The following GRIK4 variants were observed in gnomAD, a reference collection of about 807,000 sequenced individuals.
GRIK4 encodes the protein glutamate ionotropic receptor kainate type subunit 4.
A neutral mutation model predicts 104.9 loss-of-function variants in GRIK4; 40 were observed. The ratio of observed to expected loss-of-function variants is 0.38; its 90% CI spans 0.30 to 0.50. The LOEUF is 0.50. Among genes scored for constraint, GRIK4 ranks in the 20% least tolerant of loss-of-function variants. GRIK4 has a pLI of 0.93. For synonymous variants in GRIK4, 485 were observed against 524.9 expected (o/e 0.92, Z 1.04); for missense variants, 1,047 against 1,308.1 (o/e 0.80, Z 3.08).
intron 3 of GRIK4, among the ~76,000 whole-genome samples, chr11:120,719,630 C>T (rs980451284): frequency 1.4e-4 from 21 of 152,174 alleles, no homozygotes; most frequent in Non-Finnish European, 2.6e-4. Context: ...CCTGACCCTT[C>T]CCCCTTTCCT....
At chr11:120,844,552 G>A (rs970627202) in intron 8 of GRIK4, among the ~76,000 whole-genome samples, 1 of 152,136 alleles carries the variant, frequency 6.6e-6, no homozygotes, top group Non-Finnish European at 1.5e-5. Context: ...AGAAGGGCTG[G>A]CCAAGTAAGA....
chr11:120,695,627 C>T (rs1392741002), intron 3 of GRIK4, among the ~76,000 whole-genome samples: 6 of 150,454 alleles, frequency 4.0e-5, no homozygotes, highest in Non-Finnish European at 8.9e-5. Context: ...CCTGGACGGC[C>T]GCCACGGGTG....
chr11:120,933,100 G>T (rs1943515583), intron 13 of GRIK4, among the ~76,000 whole-genome samples: 1 of 152,200 alleles, frequency 6.6e-6, no homozygotes, highest in Non-Finnish European at 1.5e-5. Context: ...CATGAGGTCT[G>T]GGAGGCCTGG....
intron 13 of GRIK4, among the ~76,000 whole-genome samples, chr11:120,913,283 T>C (rs981077523): frequency 7.6e-4 from 115 of 152,178 alleles, no homozygotes; most frequent in South Asian, 1.0e-3. Context: ...TTCTGAGATG[T>C]CCTTCCAGAC....
chr11:120,842,712 G>A (rs866231413), intron 8 of GRIK4, among the ~76,000 whole-genome samples: 46 of 152,156 alleles, frequency 3.0e-4, no homozygotes, highest in Non-Finnish European at 1.8e-4. Flanking sequence ...GTGCTTATTC[G>A]GCTCTTTACT....
intron 19 of GRIK4, among the ~76,000 whole-genome samples, chr11:120,973,844 T>C (rs1944515954): frequency 6.6e-6 from 1 of 152,198 alleles, no homozygotes; most frequent in Non-Finnish European, 1.5e-5. Flanking sequence ...TACTATGGTA[T>C]ATAATTCGTT....
At chr11:120,617,738 G>A (rs1038379373) in intron 1 of GRIK4, among the ~76,000 whole-genome samples, 6 of 152,082 alleles carry the variant, frequency 3.9e-5, no homozygotes, top group African/African-American at 1.2e-4. Flanking sequence ...TGTGTGAAGT[G>A]CTCACTCCTC....
chr11:120,761,602 A>G (rs1364153730), intron 3 of GRIK4, among the ~76,000 whole-genome samples: 1 of 152,092 alleles, frequency 6.6e-6, no homozygotes, highest in African/African-American at 2.4e-5. Flanking sequence ...TAAGTGTTTA[A>G]TTCATCTTGA....
intron 8 of GRIK4, among the ~76,000 whole-genome samples, chr11:120,848,795 G>A (rs1953907812): frequency 6.6e-6 from 1 of 152,152 alleles, no homozygotes. Flanking sequence ...GCTAGGGTAG[G>A]GGAGGAGGAG....
intron 4 of GRIK4, among the ~76,000 whole-genome samples, chr11:120,812,123 T>G (rs1952841951): frequency 2.0e-5 from 3 of 152,136 alleles, no homozygotes; most frequent in African/African-American, 7.2e-5. Flanking sequence ...ACCATGGCAG[T>G]AGACGTAGGA....
intron 16 of GRIK4, among the ~76,000 whole-genome samples, chr11:120,960,157 C>T (rs931058079): frequency 6.6e-6 from 1 of 152,190 alleles, no homozygotes; most frequent in Non-Finnish European, 1.5e-5. Context: ...AGTGAAACCC[C>T]GTCTCTACTA....
chr11:120,690,744 C>A (rs548311504), intron 3 of GRIK4, among the ~76,000 whole-genome samples: 1 of 152,360 alleles, frequency 6.6e-6, no homozygotes, highest in East Asian at 1.9e-4. Context: ...GTTCCTTACC[C>A]TCCTCACCAG....
chr11:120,834,879 C>T (rs533200055), intron 7 of GRIK4, among the ~76,000 whole-genome samples: 27 of 152,378 alleles, frequency 1.8e-4, no homozygotes, highest in African/African-American at 5.5e-4. Flanking sequence ...TGACCCCGCC[C>T]GGACCCTCTG....
In GRIK4 at chr11:120,568,085, G is replaced by A. The variant is rs565633295; in HGVS notation, c.-159+56198G>A. On this transcript the variant is annotated intron_variant, in intron 1 of 20. Transcript: ENST00000527524. ...CCCAGCTACTTGGGAGGTTGAGGCGGGAGGATTGCTTGAGCCCTGGAGTTT... is the reference window on the plus strand; with the variant it reads ...CCCAGCTACTTGGGAGGTTGAGGCGAGAGGATTGCTTGAGCCCTGGAGTTT... Among the ~76,000 whole-genome samples, 82 of 152,288 alleles carry A rather than the reference G, an allele frequency of 5.4e-4. 1 individual carries two copies. The highest frequency in any genetic ancestry group is 3.4e-3 in the Middle Eastern group (1 of 294).
At chr11:120,557,923 C>T (rs1435932491) in intron 1 of GRIK4, among the ~76,000 whole-genome samples, 1 of 145,630 alleles carries the variant, frequency 6.9e-6, no homozygotes, top group Non-Finnish European at 1.5e-5. Flanking sequence ...GAGGCTGAGG[C>T]AGGAGAATGG....
chr11:120,875,242 A>G lies in GRIK4; in HGVS notation c.1163A>G (p.Gln388Arg). Reference sequence around the variant, plus strand: ...CAGTTCACAAGGAATGGTTTTCGGCAGGTAAGCCTAGCTGCACCGTGGTGA... The same window carrying G: ...CAGTTCACAAGGAATGGTTTTCGGCGGGTAAGCCTAGCTGCACCGTGGTGA... The part of the protein sequence containing the change: ...ILQFTRNGFR[Q>R]IGQWHVAEGL... Residue 388 changes from glutamine (Q) to arginine (R), a missense_variant and splice_region_variant, in exon 11 of 21, where the codon CAG (glutamine) becomes CGG (arginine). Physicochemically the swap from Gln to Arg is conservative, Grantham distance 43 (BLOSUM62 1). Coordinates refer to ENST00000527524, the MANE Select transcript of GRIK4 (RefSeq NM_014619.5). The G allele has an allele frequency of 1.3e-6, 2 of 1,591,206 alleles. No homozygotes were observed. The highest frequency in any genetic ancestry group is 1.7e-6 in the Non-Finnish European group (2 of 1,159,048).
chr11:120,514,863 A>G, intron 1 of GRIK4: 2 of 410,514 alleles, frequency 4.9e-6, no homozygotes, highest in Middle Eastern at 3.6e-4. Flanking sequence ...TTGCTCTCCC[A>G]CTGCCGTGGT....
At chr11:120,784,686 T>A (rs1223860562) in intron 3 of GRIK4, among the ~76,000 whole-genome samples, 3 of 152,050 alleles carry the variant, frequency 2.0e-5, no homozygotes, top group Non-Finnish European at 4.4e-5. Context: ...CATGGAGTGA[T>A]GTTTGCCCAG....
intron 3 of GRIK4, among the ~76,000 whole-genome samples, chr11:120,674,976 C>G (rs1488231843): frequency 1.3e-5 from 2 of 152,196 alleles, no homozygotes; most frequent in African/African-American, 2.4e-5. Flanking sequence ...CCTGGAGCTG[C>G]TGGAGTTTCT....
Sources: gnomAD v4.1 joint callset for allele counts (sites outside exome capture counted in the v4.1 genomes callset) on GRCh38, gnomAD v4.1.1 for gene constraint, MANE v1.5 for transcripts, NCBI Gene and HGNC (gene_info 2026-07-23, HGNC 2026-07-21) for gene names.